TPTE: variants seen among roughly 807,000 people sequenced by gnomAD.
TPTE encodes putative tyrosine-protein phosphatase TPTE.
In TPTE, 59 loss-of-function variants were observed where a neutral mutation model predicts 84.1. The ratio of observed to expected loss-of-function variants is 0.70; its 90% CI spans 0.57 to 0.87. The LOEUF (loss-of-function observed/expected upper bound fraction) is 0.87, where lower values mean the gene tolerates loss of function less well. Ranked by LOEUF, TPTE falls within the 40% of genes least tolerant of loss-of-function variation. TPTE has a pLI of 0.00. For synonymous variants in TPTE, 130 were observed against 223.5 expected, an observed-to-expected ratio of 0.58 and a Z score of 3.73; for missense variants, 382 against 659.6, an observed-to-expected ratio of 0.58 and a Z score of 4.61.
At chr21:10,593,210 G>A (rs997900693) in intron 19 of TPTE, among the ~76,000 whole-genome samples, 8 of 152,310 alleles carry the variant, frequency 5.3e-5, no homozygotes, top group Non-Finnish European at 4.4e-5. Context: ...GGAAATTTCA[G>A]TCGTCAGATC....
intron 9 of TPTE, 111 bp from the exon 10 acceptor site, chr21:10,560,919 A>T (rs1482337763): frequency 2.9e-6 from 4 of 1,361,492 alleles, no homozygotes; most frequent in Non-Finnish European, 3.9e-6. Flanking sequence ...CTTAATACTA[A>T]ATAATAACAT....
intron 9 of TPTE, among the ~76,000 whole-genome samples, chr21:10,560,790 A>G (rs1368590482): frequency 6.6e-6 from 1 of 152,288 alleles, no homozygotes; most frequent in South Asian, 2.1e-4. Context: ...TGTGTTTACT[A>G]TAATATCTTG....
At chr21:10,549,308 C>T (rs1318275542) in intron 7 of TPTE, among the ~76,000 whole-genome samples, 2 of 152,308 alleles carry the variant, frequency 1.3e-5, no homozygotes, top group Non-Finnish European at 2.9e-5. Flanking sequence ...ACACAGCAAC[C>T]ATGAAAATGC....
At chr21:10,564,570 A>G (rs951719732) in intron 10 of TPTE, among the ~76,000 whole-genome samples, 1 of 152,426 alleles carries the variant, frequency 6.6e-6, no homozygotes, top group African/African-American at 2.4e-5. Context: ...ACATGCTAAT[A>G]TATCTGATAA....
chr21:10,527,151 T>TCACACA (rs1160648422), intron 2 of TPTE, among the ~76,000 whole-genome samples: 531 of 147,610 alleles, frequency 3.6e-3, no homozygotes, highest in African/African-American at 0.012. Context: ...TCTCTCTCTC[T>TCACACA]CTCTCTCACA....
chr21:10,603,629 A>G lies in TPTE; in HGVS notation c.1517A>G (p.Asn506Ser), dbSNP rs745413372. Residue 506 changes from asparagine (N) to serine (S), a missense_variant, in exon 23 of 24, where the codon AAC becomes AGC. By Grantham distance (46) the Asn-to-Ser change is conservative. Coordinates refer to ENST00000618007, the MANE Select transcript of TPTE (RefSeq NM_199261.4). ...TTGCACACATCTTTTATTGAAAATAACAGGTATGAATATAATAGAAACCCA... is the reference window on the plus strand; with the variant it reads ...TTGCACACATCTTTTATTGAAAATAGCAGGTATGAATATAATAGAAACCCA... ...FWLHTSFIEN[N>S]RLYLPKNELD... The G allele has an allele frequency of 1.2e-6, 2 of 1,611,906 alleles. No homozygotes were observed. The highest frequency in any genetic ancestry group is 1.7e-6 in the Non-Finnish European group (2 of 1,178,278).
intron 10 of TPTE, among the ~76,000 whole-genome samples, chr21:10,564,945 T>C (rs1247621850): frequency 6.6e-6 from 1 of 152,308 alleles, no homozygotes; most frequent in Non-Finnish European, 1.5e-5. Context: ...TAGAACACAA[T>C]GAGGATGCCC....
chr21:10,549,233 C>T (rs1159023507), intron 7 of TPTE, among the ~76,000 whole-genome samples: 1 of 152,296 alleles, frequency 6.6e-6, no homozygotes, highest in Non-Finnish European at 1.5e-5. Flanking sequence ...TAAATTCATA[C>T]AATTTTACTC....
chr21:10,525,028 A>G (rs529047183), intron 2 of TPTE, among the ~76,000 whole-genome samples: 7 of 152,420 alleles, frequency 4.6e-5, no homozygotes, highest in South Asian at 2.1e-4. Context: ...TCTTTCCTAC[A>G]GGGGCAGCTG....
intron 9 of TPTE, among the ~76,000 whole-genome samples, chr21:10,559,815 A>G (rs2074757981): frequency 6.6e-6 from 1 of 152,150 alleles, no homozygotes; most frequent in Non-Finnish European, 1.5e-5. Flanking sequence ...CATAGATTGC[A>G]GTGAGCTGAA....
At chr21:10,542,927 A>G (rs1296570253) in intron 6 of TPTE, among the ~76,000 whole-genome samples, 2 of 152,252 alleles carry the variant, frequency 1.3e-5, no homozygotes, top group Non-Finnish European at 2.9e-5. Context: ...GATTTCTGAT[A>G]GGAATTCATT....
chr21:10,527,889 AGGT>A (rs1568950060), intron 3 of TPTE, among the ~76,000 whole-genome samples: 1 of 152,306 alleles, frequency 6.6e-6, no homozygotes, highest in African/African-American at 2.4e-5. Flanking sequence ...AAGAGCATGA[AGGT>A]GGTGGAGGGA....
chr21:10,565,830 A>G (rs1414311953), intron 10 of TPTE, among the ~76,000 whole-genome samples: 2 of 152,266 alleles, frequency 1.3e-5, no homozygotes, highest in Non-Finnish European at 1.5e-5. Flanking sequence ...CTAGACCCCT[A>G]CCTCTCACCA....
At chr21:10,538,052 A>G (rs1894607753) in intron 3 of TPTE, among the ~76,000 whole-genome samples, 1 of 152,310 alleles carries the variant, frequency 6.6e-6, no homozygotes. Context: ...GACTGCCTAT[A>G]TGTGAGACCT....
At chr21:10,594,755 T>G (rs1258012693) in intron 19 of TPTE, among the ~76,000 whole-genome samples, 4 of 152,420 alleles carry the variant, frequency 2.6e-5, no homozygotes, top group African/African-American at 9.6e-5. Flanking sequence ...CTCTTCTGAT[T>G]CACCGAAAAA....
At chr21:10,544,894 G>A (rs1484615157) in intron 7 of TPTE, among the ~76,000 whole-genome samples, 1 of 152,306 alleles carries the variant, frequency 6.6e-6, no homozygotes, top group African/African-American at 2.4e-5. Flanking sequence ...GTAAAGAAAT[G>A]TATATAAACT....
At chr21:10,556,850 G>A (rs1448894724) in intron 8 of TPTE, among the ~76,000 whole-genome samples, 1 of 152,304 alleles carries the variant, frequency 6.6e-6, no homozygotes, top group Non-Finnish European at 1.5e-5. Flanking sequence ...CTTTTGAGAA[G>A]TGTCTGTTCA....
intron 10 of TPTE, among the ~76,000 whole-genome samples, chr21:10,564,702 A>G (rs1371763955): frequency 6.6e-6 from 1 of 152,308 alleles, no homozygotes; most frequent in Admixed American, 6.5e-5. Flanking sequence ...CAACATTTGT[A>G]AATCAATCAA....
chr21:10,525,886 C>G (rs534345654), intron 2 of TPTE, among the ~76,000 whole-genome samples: 2 of 152,426 alleles, frequency 1.3e-5, no homozygotes, highest in African/African-American at 2.4e-5. Flanking sequence ...AGATTAGTTT[C>G]CCAAGGAACT....
Sources: allele counts gnomAD v4.1 joint callset (sites outside exome capture counted in the v4.1 genomes callset), GRCh38; gene constraint gnomAD v4.1.1; transcripts MANE v1.5; gene names NCBI Gene and HGNC (gene_info 2026-07-23, HGNC 2026-07-21).